Variants in PTGER2 observed in about 807,000 individuals in gnomAD.
The protein encoded by PTGER2 is prostaglandin E receptor 2.
A neutral mutation model predicts 26.2 loss-of-function variants in PTGER2; 22 were observed. The observed-to-expected ratio is 0.84, with a 90% CI of 0.60 to 1.20. The LOEUF (loss-of-function observed/expected upper bound fraction) is 1.20. Ranked by LOEUF, PTGER2 falls within the 50% of genes most tolerant of loss-of-function variation. The pLI is 0.00. For missense variants in PTGER2, 458 were observed against 475.2 expected (o/e 0.96, Z 0.34); for synonymous variants, 219 against 208.9 (o/e 1.05, Z -0.42).
At chr14:52,322,724 A>G (rs191142285) in intron 1 of PTGER2, among the ~76,000 whole-genome samples, 23 of 151,968 alleles carry the variant, frequency 1.5e-4, no homozygotes, top group Admixed American at 1.5e-3. Flanking sequence ...CCAGGAATGC[A>G]TTCCTTCTCC....
intron 1 of PTGER2, among the ~76,000 whole-genome samples, chr14:52,325,099 A>C (rs2033936075): frequency 6.6e-6 from 1 of 152,094 alleles, no homozygotes; most frequent in African/African-American, 2.4e-5. Context: ...AGATCACGCC[A>C]CTGCACTCTA....
intron 1 of PTGER2, among the ~76,000 whole-genome samples, chr14:52,316,237 G>A (rs909691224): frequency 2.0e-5 from 3 of 152,152 alleles, no homozygotes; most frequent in Non-Finnish European, 2.9e-5. Context: ...GGAAGAGTGG[G>A]GCTACCTGGG....
rs542981572 is a variant in PTGER2, at chr14:52,314,314, G to T, written c.-235G>T. ...TCTGGCTCCCGGCCTTGGCCGGCGCGGGTAGGCGCGGGAGCCTCGAGCGCC... is the reference window on the plus strand; with the variant it reads ...TCTGGCTCCCGGCCTTGGCCGGCGCTGGTAGGCGCGGGAGCCTCGAGCGCC... On this transcript the variant is annotated 5_prime_UTR_variant, in exon 1 of 2. Transcript: ENST00000245457. This position sits in a 1 kb window ranked among gnomAD's most constrained non-coding sequence, Gnocchi z 5.7. 2 of 349,832 alleles carry T rather than the reference G, an allele frequency of 5.7e-6. No homozygotes were observed. The highest frequency in any genetic ancestry group is 5.0e-6 in the Non-Finnish European group (1 of 200,882). The allele number at this position is 349,832 out of a possible 1,614,324, so 21.7% of individuals were successfully genotyped here.
At chr14:52,321,271 T>TA (rs2033892749) in intron 1 of PTGER2, among the ~76,000 whole-genome samples, 3 of 151,748 alleles carry the variant, frequency 2.0e-5, no homozygotes, top group Non-Finnish European at 2.9e-5. Flanking sequence ...TGTTTTTTTT[T>TA]AAAGAATGAA....
intron 1 of PTGER2, among the ~76,000 whole-genome samples, chr14:52,319,690 A>G (rs1226597234): frequency 1.3e-5 from 2 of 152,154 alleles, no homozygotes; most frequent in South Asian, 2.1e-4. Context: ...TCCAACTCAT[A>G]TCAAGCCCCT....
rs1267217292 is a variant in PTGER2 at position 52,328,486 on chromosome 14, G to A, written c.*1032G>A. 1.3e-5 allele frequency: 2 copies of A among 152,224 alleles called. No individual in the cohort carries two copies. Among genetic ancestry groups the A allele is most frequent in the African/African-American group, 4.8e-5 (2 of 41,432 alleles). 9.4% of individuals were successfully genotyped at this position (152,224 alleles called of 1,614,324 possible). On this transcript the variant is annotated 3_prime_UTR_variant, in exon 2 of 2. Coordinates refer to ENST00000245457, the MANE Select transcript of PTGER2 (RefSeq NM_000956.4). ...TATCTTAATATATTTCTAAATGTTT[G>A]GCATGTAAATGTAAACTCAGCATCA...
chr14:52,327,676 T>G lies in PTGER2; in HGVS notation c.*222T>G. The G allele has an allele frequency of 2.2e-6, 1 of 452,100 alleles. No individual in the cohort carries two copies. The highest frequency in any genetic ancestry group is 3.5e-5 in the East Asian group (1 of 28,598). The allele number at this position is 452,100 out of a possible 1,614,324, so 28.0% of individuals were successfully genotyped here. ...AACCTACCCTCAGTGAGCATGGTAC[T>G]TGGCCTTTGGAGGAACAATCGGCTG... On this transcript the variant is annotated 3_prime_UTR_variant, in exon 2 of 2. Coordinates refer to ENST00000245457, the MANE Select transcript of PTGER2 (RefSeq NM_000956.4).
In PTGER2 at chr14:52,314,338, C is replaced by G. The variant is rs1451741089; in HGVS notation, c.-211C>G. 2 of 468,358 alleles carry G rather than the reference C, an allele frequency of 4.3e-6. No individual in the cohort carries two copies. The highest frequency in any genetic ancestry group is 4.0e-5 in the African/African-American group (2 of 49,488). The allele number at this position is 468,358 out of a possible 1,614,324, so 29.0% of individuals were successfully genotyped here. On this transcript the variant is annotated 5_prime_UTR_variant, in exon 1 of 2. Coordinates refer to ENST00000245457, the MANE Select transcript of PTGER2 (RefSeq NM_000956.4). The surrounding 1 kb of genome is among the most constrained non-coding windows in gnomAD (Gnocchi z 5.7). Reference sequence around the variant, plus strand: ...CGGGTAGGCGCGGGAGCCTCGAGCGCCGCTCGGATGCAGCAGCCGAGCCGC... The same window carrying G: ...CGGGTAGGCGCGGGAGCCTCGAGCGGCGCTCGGATGCAGCAGCCGAGCCGC...
At chr14:52,325,337 C>A (rs1278118989) in intron 1 of PTGER2, among the ~76,000 whole-genome samples, 2 of 152,146 alleles carry the variant, frequency 1.3e-5, no homozygotes, top group African/African-American at 2.4e-5. Context: ...GGGTTATTCT[C>A]CCCTGAAAAC....
Position 52,328,552 on chromosome 14 carries a change from G to A in PTGER2, c.*1098G>A, listed in dbSNP as rs2033975145. Reference sequence around the variant, plus strand: ...TTTGCACTGTTTAATCATAGTTACTGTGTAAACTCATCTGAAATGTTACAA... The same window carrying A: ...TTTGCACTGTTTAATCATAGTTACTATGTAAACTCATCTGAAATGTTACAA... On this transcript the variant is annotated 3_prime_UTR_variant, in exon 2 of 2. Transcript: ENST00000245457. The A allele has an allele frequency of 6.6e-6, 1 of 152,146 alleles. No homozygotes were observed. Among genetic ancestry groups the A allele is most frequent in the African/African-American group, 2.4e-5 (1 of 41,440 alleles). The allele number at this position is 152,146 out of a possible 1,614,324, so 9.4% of individuals were successfully genotyped here. A position where few individuals can be genotyped will look rare whatever the true frequency, so the allele number is the denominator to read the frequency against.
intron 1 of PTGER2, among the ~76,000 whole-genome samples, chr14:52,318,534 CTA>C (rs1157864114): frequency 1.3e-5 from 2 of 152,172 alleles, no homozygotes; most frequent in Non-Finnish European, 2.9e-5. Context: ...GCAATCTACT[CTA>C]TCTCTTCCCA....
chr14:52,325,008 G>A (rs1372151237), intron 1 of PTGER2, among the ~76,000 whole-genome samples: 6 of 151,948 alleles, frequency 3.9e-5, no homozygotes, highest in African/African-American at 7.3e-5. Flanking sequence ...GCGTGGTGGC[G>A]GGTGCCTGTA....
intron 1 of PTGER2, 147 bp downstream of exon 1, chr14:52,315,538 A>G (rs1439473625): frequency 2.6e-6 from 3 of 1,155,050 alleles, no homozygotes; most frequent in South Asian, 1.6e-5. Context: ...AGCCTTCCCC[A>G]CTAGTTTCCC....
chr14:52,322,669 C>G (rs557709874), intron 1 of PTGER2, among the ~76,000 whole-genome samples: 1 of 152,052 alleles, frequency 6.6e-6, no homozygotes, highest in Admixed American at 6.5e-5. Context: ...TTATCTCAAC[C>G]GCATAAGACA....
chr14:52,315,482 AC>A, intron 1 of PTGER2, 91 bp downstream of exon 1: 1 of 1,467,950 alleles, frequency 6.8e-7, no homozygotes, highest in East Asian at 2.3e-5. Context: ...CGCCCTACAA[AC>A]TTTTTGCAAC....
At chr14:52,315,584 G>A (rs977006706) in intron 1 of PTGER2, among the ~76,000 whole-genome samples, 193 bp downstream of exon 1, 1 of 152,084 alleles carries the variant, frequency 6.6e-6, no homozygotes, top group Admixed American at 6.5e-5. Flanking sequence ...CTGGCTTATG[G>A]GCGTTGCTAG....
intron 1 of PTGER2, among the ~76,000 whole-genome samples, chr14:52,316,028 G>C (rs2033837299): frequency 6.6e-6 from 1 of 152,236 alleles, no homozygotes; most frequent in Non-Finnish European, 1.5e-5. Flanking sequence ...GTAACTCTTT[G>C]TGGCCATGAA....
At chr14:52,316,872 G>A (rs898404483) in intron 1 of PTGER2, among the ~76,000 whole-genome samples, 3 of 152,170 alleles carry the variant, frequency 2.0e-5, no homozygotes, top group Admixed American at 1.3e-4. Flanking sequence ...AAATGAAGTC[G>A]GACTGTGGGA....
intron 1 of PTGER2, among the ~76,000 whole-genome samples, chr14:52,323,538 G>C (rs575680419): frequency 2.6e-5 from 4 of 152,330 alleles, no homozygotes; most frequent in Admixed American, 2.0e-4. Context: ...ACAGGCGTGA[G>C]CCACCGCACC....
Sources: gnomAD v4.1 joint callset for allele counts (sites outside exome capture counted in the v4.1 genomes callset) on GRCh38, gnomAD v4.1.1 for gene constraint, Gnocchi (gnomAD v3.1) non-coding constraint, MANE v1.5 for transcripts, NCBI Gene and HGNC (gene_info 2026-07-23, HGNC 2026-07-21) for gene names.